The following UBE2E2 variants were observed in gnomAD, a reference collection of about 807,000 sequenced individuals.
UBE2E2 encodes ubiquitin conjugating enzyme E2 E2, also known as ubiquitin-conjugating enzyme E2 E2.
Under a neutral mutation model 24.7 loss-of-function variants are expected in UBE2E2, and 6 were observed. The observed-to-expected ratio is 0.24, with a 90% CI of 0.13 to 0.48. The LOEUF (loss-of-function observed/expected upper bound fraction) is 0.48. Among genes scored for constraint, UBE2E2 ranks in the 20% least tolerant of loss-of-function variants. The pLI is 0.99. For missense variants in UBE2E2, 169 were observed against 245.0 expected, an observed-to-expected ratio of 0.69 and a Z score of 2.07; for synonymous variants, 104 against 83.6, an observed-to-expected ratio of 1.24 and a Z score of -1.33.
At chr3:23,254,793 G>C (rs557696355) in intron 3 of UBE2E2, among the ~76,000 whole-genome samples, 5 of 152,272 alleles carry the variant, frequency 3.3e-5, no homozygotes, top group Non-Finnish European at 7.3e-5. Flanking sequence ...AATTAGAAGA[G>C]AGAATGGATG....
intron 3 of UBE2E2, among the ~76,000 whole-genome samples, chr3:23,419,876 C>A (rs985148674): frequency 6.6e-6 from 1 of 152,176 alleles, no homozygotes; most frequent in African/African-American, 2.4e-5. Flanking sequence ...CCTTTCCTCT[C>A]TCTTGCTCAG....
chr3:23,515,190 T>G (rs1259152538), intron 4 of UBE2E2, among the ~76,000 whole-genome samples: 2 of 151,490 alleles, frequency 1.3e-5, no homozygotes, highest in Admixed American at 6.6e-5. Flanking sequence ...TACATATGTA[T>G]AGAGAGAGAG....
At chr3:23,440,853 G>A (rs944045576) in intron 3 of UBE2E2, among the ~76,000 whole-genome samples, 1 of 151,892 alleles carries the variant, frequency 6.6e-6, no homozygotes, top group African/African-American at 2.4e-5. Flanking sequence ...TTTTTTTCCT[G>A]CTCTTCCTGT....
intron 5 of UBE2E2, among the ~76,000 whole-genome samples, chr3:23,586,897 A>G (rs1244158683): frequency 8.3e-6 from 1 of 120,096 alleles, no homozygotes; most frequent in African/African-American, 3.4e-5. Context: ...AGCAGACTAT[A>G]AATTAATCCC....
At chr3:23,320,489 A>AT (rs1221512848) in intron 3 of UBE2E2, among the ~76,000 whole-genome samples, 1 of 152,176 alleles carries the variant, frequency 6.6e-6, no homozygotes, top group Non-Finnish European at 1.5e-5. Context: ...GAAATCCTGT[A>AT]TTTTTTAATA....
Position 23,563,971 on chromosome 3 carries a change from A to AAAAGAAAGAAAG in UBE2E2, c.509-25755_509-25744dup, listed in dbSNP as rs35762193. ...AGGGTTGATTTAAGCTTCCAAAAAC[A>AAAAGAAAGAAAG]AAAGAAAGAAAGAAAGAAAAAGAAA... On this transcript the variant is annotated intron_variant, in intron 5 of 5. Coordinates refer to ENST00000396703, the MANE Select transcript of UBE2E2 (RefSeq NM_152653.4). 2.4e-3 allele frequency among the ~76,000 whole-genome samples: 362 copies of AAAAGAAAGAAAG among 149,720 alleles called. 1 individual carries two copies. Among genetic ancestry groups the AAAAGAAAGAAAG allele is most frequent in the South Asian group, 3.8e-3 (18 of 4,728 alleles).
intron 3 of UBE2E2, among the ~76,000 whole-genome samples, chr3:23,230,645 G>A (rs1696950160): frequency 6.6e-6 from 1 of 152,018 alleles, no homozygotes; most frequent in Non-Finnish European, 1.5e-5. Flanking sequence ...AATTAGCCCG[G>A]CTTGGTGGTG....
intron 3 of UBE2E2, among the ~76,000 whole-genome samples, chr3:23,360,628 A>T (rs1012097425): frequency 5.3e-5 from 8 of 152,150 alleles, no homozygotes; most frequent in South Asian, 2.1e-4. Context: ...TTTCCAGTTA[A>T]TACTTCATTT....
chr3:23,276,075 A>T (rs535692589), intron 3 of UBE2E2, among the ~76,000 whole-genome samples: 2 of 152,078 alleles, frequency 1.3e-5, no homozygotes, highest in Non-Finnish European at 2.9e-5. Flanking sequence ...AAAAATTTCT[A>T]TGTCTTTTTA....
At chr3:23,287,437 C>T (rs570303129) in intron 3 of UBE2E2, among the ~76,000 whole-genome samples, 27 of 152,184 alleles carry the variant, frequency 1.8e-4, no homozygotes, top group South Asian at 1.0e-3. Context: ...AATGGCCTCA[C>T]GGAATGAATT....
chr3:23,249,602 T>G (rs1575503000), intron 3 of UBE2E2, among the ~76,000 whole-genome samples: 1 of 152,092 alleles, frequency 6.6e-6, no homozygotes, highest in East Asian at 1.9e-4. Context: ...TAGATTAAAA[T>G]TCAGGTTATT....
At chr3:23,483,825 G>T (rs1397752560) in intron 3 of UBE2E2, among the ~76,000 whole-genome samples, 4 of 152,126 alleles carry the variant, frequency 2.6e-5, no homozygotes, top group African/African-American at 9.7e-5. Context: ...GTTGGGGCAG[G>T]GTGGGAGTTC....
intron 3 of UBE2E2, among the ~76,000 whole-genome samples, chr3:23,375,090 A>T (rs576330727): frequency 4.1e-4 from 62 of 152,260 alleles, no homozygotes; most frequent in African/African-American, 1.5e-3. Context: ...TAAAAAAAAA[A>T]TCAGAGAATG....
In UBE2E2 at chr3:23,589,621, G is replaced by A; in HGVS notation, c.509-113G>A. 9.4e-7 allele frequency: 1 copy of A among 1,067,674 alleles called. No homozygotes were observed. Among genetic ancestry groups the A allele is most frequent in the South Asian group, 1.5e-5 (1 of 65,236 alleles). 66.1% of individuals were successfully genotyped at this position (1,067,674 alleles called of 1,614,324 possible). ...GCTCAGCCGCAGCAATGGTGGTCCA[G>A]GTTAGAACAGCAGCTTCTCATCTCC... On this transcript the variant is annotated intron_variant, in intron 5 of 5. Coordinates refer to ENST00000396703, the MANE Select transcript of UBE2E2 (RefSeq NM_152653.4). The surrounding 1 kb of genome is among the most constrained non-coding windows in gnomAD (Gnocchi z 4.1).
chr3:23,478,844 C>T (rs150697431), intron 3 of UBE2E2, among the ~76,000 whole-genome samples: 2 of 151,572 alleles, frequency 1.3e-5, no homozygotes, highest in Non-Finnish European at 2.9e-5. Flanking sequence ...AGATCAGAAC[C>T]AGCCTGGGCA....
At chr3:23,208,202 A>G (rs1013351216) in intron 1 of UBE2E2, among the ~76,000 whole-genome samples, 4 of 151,982 alleles carry the variant, frequency 2.6e-5, no homozygotes, top group South Asian at 2.1e-4. Flanking sequence ...GAGGTTCACT[A>G]CTGAATTTTA....
At chr3:23,542,588 A>G (rs1431388930) in intron 5 of UBE2E2, among the ~76,000 whole-genome samples, 2 of 152,118 alleles carry the variant, frequency 1.3e-5, no homozygotes, top group African/African-American at 2.4e-5. Flanking sequence ...GTGAAAAAGA[A>G]AGTTTTAGAT....
At chr3:23,534,349 T>C (rs1392893567) in intron 5 of UBE2E2, 2 of 597,782 alleles carry the variant, frequency 3.3e-6, no homozygotes, top group East Asian at 1.4e-4. Context: ...TTTGCTCCGT[T>C]TCAGAAAATT....
chr3:23,217,833 T>C (rs1372953572), intron 3 of UBE2E2, among the ~76,000 whole-genome samples: 1 of 152,058 alleles, frequency 6.6e-6, no homozygotes, highest in Non-Finnish European at 1.5e-5. Context: ...CCCTTTATGA[T>C]CATGACCTCG....
Sources: allele counts gnomAD v4.1 joint callset (sites outside exome capture counted in the v4.1 genomes callset), GRCh38; gene constraint gnomAD v4.1.1; non-coding constraint Gnocchi (gnomAD v3.1); transcripts MANE v1.5; gene names NCBI Gene and HGNC (gene_info 2026-07-23, HGNC 2026-07-21).